Variants in EIF5A2 observed in about 807,000 individuals in gnomAD.
The protein encoded by EIF5A2 is eukaryotic translation initiation factor 5A-2.
A neutral mutation model predicts 16.4 loss-of-function variants in EIF5A2; 15 were observed. That is an observed-to-expected ratio of 0.92 (90% confidence interval 0.61 to 1.41). EIF5A2 has a LOEUF of 1.41. Among genes scored for constraint, EIF5A2 ranks in the 40% most tolerant of loss-of-function variants. The pLI, the probability that EIF5A2 is intolerant of heterozygous loss-of-function variation, is 0.00. For missense variants in EIF5A2, 144 were observed against 189.5 expected, an observed-to-expected ratio of 0.76 and a Z score of 1.41; for synonymous variants, 48 against 61.1, an observed-to-expected ratio of 0.79 and a Z score of 1.00.
chr3:170,899,541 T>C (rs1712759004), intron 3 of EIF5A2, among the ~76,000 whole-genome samples: 1 of 152,144 alleles, frequency 6.6e-6, no homozygotes, highest in Non-Finnish European at 1.5e-5. Context: ...TGTTTCCTCA[T>C]GATAAAGGTA....
intron 2 of EIF5A2, 70 bp downstream of exon 2, chr3:170,907,572 A>T (rs985158937): frequency 1.5e-5 from 22 of 1,425,266 alleles, no homozygotes; most frequent in Non-Finnish European, 2.0e-5. Context: ...AAATCTCATG[A>T]TCTGTAACGG....
intron 3 of EIF5A2, among the ~76,000 whole-genome samples, chr3:170,905,066 G>A (rs975371156): frequency 3.3e-5 from 5 of 152,096 alleles, no homozygotes; most frequent in Non-Finnish European, 5.9e-5. Flanking sequence ...CTTGTCTTGG[G>A]TGCAAAATTA....
intron 3 of EIF5A2, among the ~76,000 whole-genome samples, chr3:170,899,504 A>C (rs1023244072): frequency 6.6e-6 from 1 of 151,908 alleles, no homozygotes; most frequent in Non-Finnish European, 1.5e-5. Context: ...GTTTTATAGA[A>C]TATTCCTCAG....
At chr3:170,894,069 A>G (rs1712604987) in intron 4 of EIF5A2, among the ~76,000 whole-genome samples, 1 of 152,086 alleles carries the variant, frequency 6.6e-6, no homozygotes, top group Non-Finnish European at 1.5e-5. Context: ...CTTCAAAACA[A>G]ATTTGGGTTT....
Position 170,907,685 on chromosome 3 carries a change from A to T in EIF5A2, c.122T>A (p.Val41Glu). 6.2e-7 allele frequency: 1 copy of T among 1,609,376 alleles called. No individual in the cohort carries two copies. Among genetic ancestry groups the T allele is most frequent in the Non-Finnish European group, 8.5e-7 (1 of 1,176,308 alleles). Residue 41 changes from valine to glutamate, a missense_variant, in exon 2 of 5, where the codon GTG (valine) becomes GAG (glutamate). Physicochemically the swap from Val to Glu is moderately radical, Grantham distance 121. Coordinates refer to ENST00000295822, the MANE Select transcript of EIF5A2 (RefSeq NM_020390.6). ...TCCAGTTTTGGAAGTTGACATCTCCACTATTTTGCATGGTCGTCCTTTGAG... is the reference window on the plus strand; with the variant it reads ...TCCAGTTTTGGAAGTTGACATCTCCTCTATTTTGCATGGTCGTCCTTTGAG... ...VVLKGRPCKI[V>E]EMSTSKTGKH...
In EIF5A2 at chr3:170,906,435, A is replaced by G. The variant is rs528912040; in HGVS notation, c.270+554T>C. On this transcript the variant is annotated intron_variant, in intron 3 of 4. Transcript: ENST00000295822. ...ATGGTCACTAAGTATAATTTAACCA[A>G]TTATATAGTTTTTGTGTTTTCTTCA... Among the ~76,000 whole-genome samples, 3 of 152,294 alleles carry G rather than the reference A, an allele frequency of 2.0e-5. No individual in the cohort carries two copies. In the South Asian group the frequency reaches 6.2e-4, roughly 32 times the overall value.
Position 170,888,607 on chromosome 3 carries a change from C to T in EIF5A2, c.*4753G>A, listed in dbSNP as rs192461100. ...TGTACAATTAGTAATACCCATACTACGTATTTTAGAATTTTAAAGTTTTAG... is the reference window on the plus strand; with the variant it reads ...TGTACAATTAGTAATACCCATACTATGTATTTTAGAATTTTAAAGTTTTAG... On this transcript the variant is annotated 3_prime_UTR_variant, in exon 5 of 5. Transcript: ENST00000295822. 2.6e-5 allele frequency: 4 copies of T among 152,350 alleles called. No individual in the cohort carries two copies. Among genetic ancestry groups the T allele is most frequent in the African/African-American group, 9.7e-5 (4 of 41,434 alleles). The allele number at this position is 152,350 out of a possible 1,614,324, so 9.4% of individuals were successfully genotyped here.
intron 3 of EIF5A2, among the ~76,000 whole-genome samples, chr3:170,897,445 T>G (rs1712701155): frequency 6.6e-6 from 1 of 152,156 alleles, no homozygotes; most frequent in Non-Finnish European, 1.5e-5. Context: ...GCCCTGCTGC[T>G]CTGTATAGCC....
At chr3:170,905,850 T>C (rs1310881026) in intron 3 of EIF5A2, among the ~76,000 whole-genome samples, 3 of 151,998 alleles carry the variant, frequency 2.0e-5, no homozygotes, top group Non-Finnish European at 4.4e-5. Context: ...ATCATCCAAC[T>C]AGAAAGTGAC....
Position 170,888,908 on chromosome 3 carries a change from A to G in EIF5A2, c.*4452T>C, listed in dbSNP as rs1341411865. ...TAACTCCTCAAAAAAGATCACAACT[A>G]TGATGTGTGACAAGCTGTTCGGTCA... On this transcript the variant is annotated 3_prime_UTR_variant, in exon 5 of 5. Coordinates refer to ENST00000295822, the MANE Select transcript of EIF5A2 (RefSeq NM_020390.6). The G allele has an allele frequency of 6.6e-6, 1 of 152,322 alleles. No individual in the cohort carries two copies. The highest frequency in any genetic ancestry group is 1.5e-5 in the Non-Finnish European group (1 of 67,988). 9.4% of individuals were successfully genotyped at this position (152,322 alleles called of 1,614,324 possible). A position where few individuals can be genotyped will look rare whatever the true frequency, so the allele number is the denominator to read the frequency against.
rs1008446834 is a variant in EIF5A2 at position 170,890,925 on chromosome 3, G to T, written c.*2435C>A. On this transcript the variant is annotated 3_prime_UTR_variant, in exon 5 of 5. Transcript: ENST00000295822. ...TCTAGAGAAACATCTATTGACTTAT[G>T]TGAAAATAAAGTCCCATATCTTTAA... 1 of 152,456 alleles carries T rather than the reference G, an allele frequency of 6.6e-6. No homozygotes were observed. Among genetic ancestry groups the T allele is most frequent in the Admixed American group, 6.5e-5 (1 of 15,274 alleles). 9.4% of individuals were successfully genotyped at this position (152,456 alleles called of 1,614,324 possible).
intron 4 of EIF5A2, among the ~76,000 whole-genome samples, chr3:170,893,906 G>T (rs951968343): frequency 1.3e-5 from 2 of 152,004 alleles, no homozygotes; most frequent in African/African-American, 2.4e-5. Flanking sequence ...GGTGGCACGC[G>T]CCTGCAATCC....
chr3:170,901,561 TC>T (rs1712814998), intron 3 of EIF5A2, among the ~76,000 whole-genome samples: 3 of 147,172 alleles, frequency 2.0e-5, no homozygotes, highest in Non-Finnish European at 4.5e-5. Context: ...ACAGGTGCCT[TC>T]TTTTTTTTTT....
rs1359445693 is a variant in EIF5A2, at chr3:170,893,204, A to T, written c.*156T>A. ...ACATATTGATAATTTTTTAAAAATT[A>T]TCAATTGCTTGCAAAACTAACCCAG... is the stretch of plus-strand genomic sequence containing the variant. On this transcript the variant is annotated 3_prime_UTR_variant, in exon 5 of 5. Transcript: ENST00000295822. 1.8e-6 allele frequency: 1 copy of T among 552,164 alleles called. No homozygotes were observed. The highest frequency in any genetic ancestry group is 2.0e-5 in the African/African-American group (1 of 51,172). The allele number at this position is 552,164 out of a possible 1,614,324, so 34.2% of individuals were successfully genotyped here. A position where few individuals can be genotyped will look rare whatever the true frequency, so the allele number is the denominator to read the frequency against.
chr3:170,901,817 A>G lies in EIF5A2; in HGVS notation c.270+5172T>C, dbSNP rs550878375. Among the ~76,000 whole-genome samples, 73 of 152,312 alleles carry G rather than the reference A, an allele frequency of 4.8e-4. 1 individual carries two copies. In the South Asian group the frequency reaches 0.014, roughly 30 times the overall value. On this transcript the variant is annotated intron_variant, in intron 3 of 4. Coordinates refer to ENST00000295822, the MANE Select transcript of EIF5A2 (RefSeq NM_020390.6). ...TCAAAACAACCAGACTTGTTTAGGT[A>G]ACACCTATTCCTTTTTATTTCTTCC...
In EIF5A2 at chr3:170,889,197, A is replaced by T. The variant is rs1232011381; in HGVS notation, c.*4163T>A. The T allele has an allele frequency of 1.3e-5, 2 of 152,396 alleles. No homozygotes were observed. Among genetic ancestry groups the T allele is most frequent in the African/African-American group, 4.8e-5 (2 of 41,428 alleles). The allele number at this position is 152,396 out of a possible 1,614,324, so 9.4% of individuals were successfully genotyped here. ...CATAAAGTGCATCTTTTACATAAGG[A>T]AAACATGCTTATTAGATGTATACAG... On this transcript the variant is annotated 3_prime_UTR_variant, in exon 5 of 5. Transcript: ENST00000295822.
intron 3 of EIF5A2, among the ~76,000 whole-genome samples, chr3:170,900,974 T>C (rs1356012): frequency 0.24 from 35,878 of 152,214 alleles, 4,259 homozygotes; most frequent in Middle Eastern, 0.28. Flanking sequence ...GACTTATTTA[T>C]CTAATGATTG....
At chr3:170,894,260 T>C in intron 4 of EIF5A2, 32 bp downstream of exon 4, 1 of 1,602,004 alleles carries the variant, frequency 6.2e-7, no homozygotes, top group Non-Finnish European at 8.5e-7. Context: ...TATAAAATGG[T>C]TTTCAAAAAT....
intron 2 of EIF5A2, among the ~76,000 whole-genome samples, 169 bp downstream of exon 2, chr3:170,907,473 T>TACTTAAAGG (rs1712967486): frequency 6.6e-6 from 1 of 152,210 alleles, no homozygotes; most frequent in African/African-American, 2.4e-5. Context: ...AAGAAGGGAA[T>TACTTAAAGG]GCTACCTTTA....
Sources: gnomAD v4.1 joint callset for allele counts (sites outside exome capture counted in the v4.1 genomes callset) on GRCh38, gnomAD v4.1.1 for gene constraint, MANE v1.5 for transcripts, NCBI Gene and HGNC (gene_info 2026-07-23, HGNC 2026-07-21) for gene names.